The following DUSP16 variants were observed in gnomAD, a reference collection of about 807,000 sequenced individuals.
DUSP16 encodes the protein dual specificity protein phosphatase 16.
Under a neutral mutation model 58.3 loss-of-function variants are expected in DUSP16, and 21 were observed. That is an observed-to-expected ratio of 0.36 (90% CI 0.26 to 0.52). The LOEUF (loss-of-function observed/expected upper bound fraction) is 0.52. Ranked by LOEUF, DUSP16 falls within the 20% of genes least tolerant of loss-of-function variation. DUSP16 has a pLI of 0.94. For synonymous variants in DUSP16, 320 were observed against 323.8 expected (o/e 0.99, Z 0.12); for missense variants, 726 against 819.0 (o/e 0.89, Z 1.39).
intron 1 of DUSP16, among the ~76,000 whole-genome samples, chr12:12,548,621 ACT>A (rs1446909170): frequency 4.5e-5 from 6 of 134,176 alleles, no homozygotes; most frequent in African/African-American, 8.6e-5. Context: ...ACAGAGTGAG[ACT>A]CTGTCTCAAA....
chr12:12,503,499 G>A (rs931903345), intron 3 of DUSP16, among the ~76,000 whole-genome samples: 7 of 151,916 alleles, frequency 4.6e-5, no homozygotes, highest in Middle Eastern at 3.4e-3. Flanking sequence ...TTTTTGTTAC[G>A]GTGATCAAAC....
intron 1 of DUSP16, among the ~76,000 whole-genome samples, chr12:12,525,730 A>ATG (rs767100748): frequency 8.0e-6 from 1 of 125,118 alleles, no homozygotes; most frequent in Non-Finnish European, 1.8e-5. Context: ...AAATATATGT[A>ATG]TACACACACA....
chr12:12,552,541 C>A (rs1944744238), intron 1 of DUSP16, among the ~76,000 whole-genome samples: 1 of 152,174 alleles, frequency 6.6e-6, no homozygotes, highest in African/African-American at 2.4e-5. Flanking sequence ...GAAAATACCC[C>A]ACCCTTCTTC....
chr12:12,494,467 C>T lies in DUSP16; in HGVS notation c.531+6052G>A, dbSNP rs145892825. Among the ~76,000 whole-genome samples the T allele has an allele frequency of 1.6e-3, 240 of 151,962 alleles. 1 individual carries two copies. Among genetic ancestry groups the T allele is most frequent in the African/African-American group, 5.0e-3 (206 of 41,404 alleles). On this transcript the variant is annotated intron_variant, in intron 4 of 6. Coordinates refer to ENST00000298573, the MANE Select transcript of DUSP16 (RefSeq NM_030640.3). ...TACTAGCAACTGTAAGACAGTTGCA[C>T]GAATAATGATGATACAAAGAGGTAT...
At chr12:12,529,460 C>T (rs753957585) in intron 1 of DUSP16, among the ~76,000 whole-genome samples, 5 of 152,216 alleles carry the variant, frequency 3.3e-5, no homozygotes, top group South Asian at 2.1e-4. Flanking sequence ...ATGTACAACA[C>T]GATATTCTGA....
At chr12:12,525,087 C>T (rs1414209577) in intron 1 of DUSP16, among the ~76,000 whole-genome samples, 1 of 152,148 alleles carries the variant, frequency 6.6e-6, no homozygotes, top group East Asian at 1.9e-4. Flanking sequence ...CAAATATACA[C>T]ACTTTTCCTT....
intron 1 of DUSP16, among the ~76,000 whole-genome samples, chr12:12,541,577 T>C (rs1002613640): frequency 1.1e-4 from 17 of 152,250 alleles, no homozygotes; most frequent in African/African-American, 3.9e-4. Flanking sequence ...TGGAATGAGC[T>C]GTCTGTCTAG....
chr12:12,547,837 T>C (rs1306537456), intron 1 of DUSP16, among the ~76,000 whole-genome samples: 1 of 152,190 alleles, frequency 6.6e-6, no homozygotes, highest in Non-Finnish European at 1.5e-5. Flanking sequence ...AAGGAAATCT[T>C]AGACACAAGA....
intron 1 of DUSP16, among the ~76,000 whole-genome samples, chr12:12,522,030 C>A (rs533557717): frequency 6.6e-6 from 1 of 152,148 alleles, no homozygotes; most frequent in African/African-American, 2.4e-5. Context: ...ATTGCCCTCA[C>A]GGAGGAGAGA....
chr12:12,517,683 C>G (rs1266573003), intron 3 of DUSP16, among the ~76,000 whole-genome samples: 1 of 152,186 alleles, frequency 6.6e-6, no homozygotes, highest in Non-Finnish European at 1.5e-5. Flanking sequence ...CACAAGAAAT[C>G]CAGCTGCTCA....
intron 3 of DUSP16, among the ~76,000 whole-genome samples, chr12:12,510,169 T>C (rs1306976590): frequency 2.0e-5 from 3 of 151,956 alleles, no homozygotes; most frequent in Non-Finnish European, 2.9e-5. Context: ...GCACATCCCA[T>C]AGGAAACCAA....
At chr12:12,522,962 C>A (rs1944257264) in intron 1 of DUSP16, among the ~76,000 whole-genome samples, 1 of 152,174 alleles carries the variant, frequency 6.6e-6, no homozygotes, top group African/African-American at 2.4e-5. Context: ...TAGGTAAATT[C>A]TTCCTTGTTC....
chr12:12,485,701 G>A (rs533278377), intron 5 of DUSP16, among the ~76,000 whole-genome samples: 2 of 151,722 alleles, frequency 1.3e-5, no homozygotes, highest in South Asian at 4.2e-4. Context: ...AGCTGGTCTC[G>A]AACTCCTGGG....
intron 5 of DUSP16, chr12:12,485,299 A>G (rs1378045228): frequency 1.3e-5 from 2 of 152,214 alleles, no homozygotes; most frequent in Non-Finnish European, 2.9e-5. Flanking sequence ...GGCGTGAGCT[A>G]CCTGGCCATT....
At position 12,477,672 on chromosome 12, in the gene DUSP16, C is replaced by T. The variant is rs777460915; in HGVS notation, c.1159G>A (p.Ala387Thr). The change falls in exon 7 of 7, where the codon GCA (alanine) becomes ACA (threonine). Residue 387 changes from alanine (A) to threonine (T), a missense_variant. Coordinates refer to ENST00000298573, the MANE Select transcript of DUSP16 (RefSeq NM_030640.3). The surrounding 1 kb of genome is among the most constrained non-coding windows in gnomAD (Gnocchi z 4.1). Reference protein sequence around the residue: ...VQALSGLHLSADRLEDSNKLK... With the variant: ...VQALSGLHLSTDRLEDSNKLK... ...TTATTGCTGTCTTCCAGCCTGTCTG[C>T]GGACAGGTGCAGCCCACTGAGCGCC... The T allele has an allele frequency of 1.8e-5, 29 of 1,613,948 alleles. No individual in the cohort carries two copies. Among genetic ancestry groups the T allele is most frequent in the South Asian group, 3.3e-5 (3 of 91,078 alleles).
At chr12:12,495,935 G>A (rs1371522304) in intron 4 of DUSP16, among the ~76,000 whole-genome samples, 1 of 152,240 alleles carries the variant, frequency 6.6e-6, no homozygotes, top group Non-Finnish European at 1.5e-5. Context: ...ACCAGGAACT[G>A]TGCTTGGCAT....
intron 5 of DUSP16, among the ~76,000 whole-genome samples, chr12:12,485,785 A>G (rs1010606121): frequency 8.8e-6 from 1 of 113,250 alleles, no homozygotes; most frequent in Admixed American, 9.5e-5. Flanking sequence ...GGCCAATTCC[A>G]CTTTTTTTTT....
At position 12,540,704 on chromosome 12, in the gene DUSP16, G is replaced by A. The variant is rs188726664; in HGVS notation, c.-365-19241C>T. Among the ~76,000 whole-genome samples the A allele has an allele frequency of 4.1e-3, 622 of 152,136 alleles. 5 individuals carry two copies. The highest frequency in any genetic ancestry group is 0.014 in the African/African-American group (578 of 41,502). ...TCAATCCCACCTATGTATTTATTCT[G>A]GACGCTCTCCTACCCCAACTCCTTA... On this transcript the variant is annotated intron_variant, in intron 1 of 6. Transcript: ENST00000298573.
intron 4 of DUSP16, 107 bp downstream of exon 4, chr12:12,500,412 A>G: frequency 7.6e-7 from 1 of 1,324,272 alleles, no homozygotes; most frequent in South Asian, 1.6e-5. Flanking sequence ...AGAATGGCAT[A>G]GCAGCTCCTG....
Sources: gnomAD v4.1 joint callset for allele counts (sites outside exome capture counted in the v4.1 genomes callset) on GRCh38, gnomAD v4.1.1 for gene constraint, Gnocchi (gnomAD v3.1) non-coding constraint, MANE v1.5 for transcripts, NCBI Gene and HGNC (gene_info 2026-07-23, HGNC 2026-07-21) for gene names.